COLEC12: variants seen among roughly 807,000 people sequenced by gnomAD.
COLEC12 encodes the protein collectin-12.
A neutral mutation model predicts 71.1 loss-of-function variants in COLEC12; 33 were observed. The ratio of observed to expected loss-of-function variants is 0.46; its 90% CI spans 0.35 to 0.62. The LOEUF (loss-of-function observed/expected upper bound fraction) is 0.62, where lower values mean the gene tolerates loss of function less well. Ranked by LOEUF, COLEC12 falls within the 20% of genes least tolerant of loss-of-function variation. The pLI is 0.00. For synonymous variants in COLEC12, 350 were observed against 353.0 expected, an observed-to-expected ratio of 0.99 and a Z score of 0.10; for missense variants, 765 against 916.1, an observed-to-expected ratio of 0.84 and a Z score of 2.13.
intron 2 of COLEC12, among the ~76,000 whole-genome samples, chr18:390,986 G>A (rs1915451587): frequency 2.6e-5 from 4 of 152,136 alleles, no homozygotes; most frequent in Admixed American, 1.3e-4. Flanking sequence ...GCAGCTGTGG[G>A]CAGCTGTGTG....
chr18:343,173 C>G (rs997633894), intron 5 of COLEC12, among the ~76,000 whole-genome samples: 2 of 152,200 alleles, frequency 1.3e-5, no homozygotes, highest in African/African-American at 4.8e-5. Context: ...ACACAAGTGC[C>G]TCTTGGCTGC....
intron 2 of COLEC12, among the ~76,000 whole-genome samples, chr18:374,170 G>A (rs143553484): frequency 1.6e-4 from 24 of 152,250 alleles, no homozygotes; most frequent in African/African-American, 4.8e-4. Context: ...TGAGAAAAGC[G>A]GCAAACAGAG....
At chr18:330,879 T>TG (rs1244439948) in intron 8 of COLEC12, among the ~76,000 whole-genome samples, 3 of 150,546 alleles carry the variant, frequency 2.0e-5, no homozygotes, top group East Asian at 1.9e-4. Context: ...TGTAGTTTTT[T>TG]TTTTTTTTTT....
At chr18:446,198 T>C (rs1041092661) in intron 2 of COLEC12, among the ~76,000 whole-genome samples, 2 of 152,176 alleles carry the variant, frequency 1.3e-5, no homozygotes, top group Non-Finnish European at 2.9e-5. Context: ...GTTATGAACA[T>C]TGATGTACAA....
At chr18:381,800 A>AACAATAAAT (rs1915237095) in intron 2 of COLEC12, among the ~76,000 whole-genome samples, 1 of 152,228 alleles carries the variant, frequency 6.6e-6, no homozygotes, top group Non-Finnish European at 1.5e-5. Context: ...CAGTAGATAA[A>AACAATAAAT]ACAATAAATT....
chr18:460,526 T>A (rs914512695), intron 2 of COLEC12, among the ~76,000 whole-genome samples: 2 of 152,212 alleles, frequency 1.3e-5, no homozygotes, highest in African/African-American at 4.8e-5. Context: ...AGTAGTAACC[T>A]CATGTCCAGA....
chr18:336,819 C>A (rs942874541), intron 5 of COLEC12, among the ~76,000 whole-genome samples: 1 of 152,016 alleles, frequency 6.6e-6, no homozygotes, highest in Non-Finnish European at 1.5e-5. Context: ...AAGTAAAAGG[C>A]CACACTTAAT....
intron 6 of COLEC12, 24 bp from the exon 7 acceptor site, chr18:333,167 A>G (rs1278720976): frequency 3.2e-6 from 5 of 1,574,278 alleles, no homozygotes; most frequent in South Asian, 1.2e-5. Flanking sequence ...AGTGGAAAAC[A>G]TTGATTAAAA....
chr18:373,628 TG>T (rs749690274), intron 2 of COLEC12, among the ~76,000 whole-genome samples: 28 of 152,330 alleles, frequency 1.8e-4, no homozygotes, highest in Non-Finnish European at 3.2e-4. Context: ...TGTCAATTTC[TG>T]TAAGTCCCAG....
intron 2 of COLEC12, among the ~76,000 whole-genome samples, chr18:441,007 G>C (rs980961436): frequency 1.3e-5 from 2 of 151,848 alleles, no homozygotes; most frequent in African/African-American, 2.4e-5. Flanking sequence ...CCAGCACTTT[G>C]GGAGGCCGAG....
chr18:463,990 A>G (rs1327164087), intron 2 of COLEC12, among the ~76,000 whole-genome samples: 1 of 152,068 alleles, frequency 6.6e-6, no homozygotes, highest in African/African-American at 2.4e-5. Context: ...GAGCTCCAGG[A>G]AGGAAGGTTT....
At chr18:330,503 T>TA (rs945088069) in intron 8 of COLEC12, among the ~76,000 whole-genome samples, 6 of 149,550 alleles carry the variant, frequency 4.0e-5, no homozygotes, top group African/African-American at 1.2e-4. Flanking sequence ...TTTTTTTTTT[T>TA]AATTTTATTT....
chr18:333,633 G>A (rs948610552), intron 6 of COLEC12: 2 of 152,656 alleles, frequency 1.3e-5, no homozygotes, highest in African/African-American at 4.8e-5. Context: ...AAACATTCGA[G>A]TTTTGCCAAA....
chr18:326,401 GC>G (rs1311720564), intron 8 of COLEC12, among the ~76,000 whole-genome samples: 4 of 152,268 alleles, frequency 2.6e-5, no homozygotes, highest in African/African-American at 9.6e-5. Context: ...AGGCTGGAGT[GC>G]TGTGGTGCGA....
At chr18:395,085 TG>T (rs1915541652) in intron 2 of COLEC12, among the ~76,000 whole-genome samples, 1 of 152,224 alleles carries the variant, frequency 6.6e-6, no homozygotes, top group Admixed American at 6.5e-5. Flanking sequence ...CCAAACACTC[TG>T]GGAAAGCCTA....
chr18:325,397 A>G (rs1420633041), intron 8 of COLEC12, among the ~76,000 whole-genome samples: 2 of 152,036 alleles, frequency 1.3e-5, no homozygotes, highest in Non-Finnish European at 2.9e-5. Context: ...GGAGATTCTC[A>G]GGAAGACTGT....
chr18:461,110 C>T (rs1916974906), intron 2 of COLEC12, among the ~76,000 whole-genome samples: 1 of 152,074 alleles, frequency 6.6e-6, no homozygotes, highest in Admixed American at 6.6e-5. Flanking sequence ...TGAGTTTACC[C>T]AAAGGATGTT....
chr18:335,598 A>T (rs1284023388), intron 5 of COLEC12, among the ~76,000 whole-genome samples: 1 of 152,194 alleles, frequency 6.6e-6, no homozygotes. Context: ...GCTTGAGGGC[A>T]CAGGGAGAAG....
intron 2 of COLEC12, among the ~76,000 whole-genome samples, chr18:419,380 A>C (rs1317174288): frequency 6.6e-6 from 1 of 152,042 alleles, no homozygotes; most frequent in Non-Finnish European, 1.5e-5. Flanking sequence ...TAATTTTTGT[A>C]ATTGTAGTAG....
Sources: allele counts gnomAD v4.1 joint callset (sites outside exome capture counted in the v4.1 genomes callset), GRCh38; gene constraint gnomAD v4.1.1; transcripts MANE v1.5; gene names NCBI Gene and HGNC (gene_info 2026-07-23, HGNC 2026-07-21).